SRD5A2: variants seen among roughly 807,000 people sequenced by gnomAD.
SRD5A2 encodes steroid 5 alpha-reductase 2.
In SRD5A2, 30 loss-of-function variants were observed where a neutral mutation model predicts 27.4. The ratio of observed to expected loss-of-function variants is 1.10; its 90% CI spans 0.82 to 1.49. The LOEUF (loss-of-function observed/expected upper bound fraction) is 1.49, where lower values mean the gene tolerates loss of function less well. Among genes scored for constraint, SRD5A2 ranks in the 40% most tolerant of loss-of-function variants. SRD5A2 has a pLI of 0.00. For synonymous variants in SRD5A2, 141 were observed against 133.6 expected (o/e 1.06, Z -0.38); for missense variants, 348 against 323.4 (o/e 1.08, Z -0.58).
chr2:31,584,701 A>T (rs77154468), upstream of SRD5A2, among the ~76,000 whole-genome samples: 345 of 152,308 alleles, frequency 2.3e-3, 11 homozygotes, highest in East Asian at 0.053. Context: ...TCCAAACAGA[A>T]CTAGCCAAAA....
intron 2 of SRD5A2, among the ~76,000 whole-genome samples, chr2:31,532,307 G>T (rs142361849): frequency 6.6e-6 from 1 of 151,702 alleles, no homozygotes; most frequent in African/African-American, 2.4e-5. Context: ...ATGAAATAAC[G>T]TGAGCTAGTT....
At chr2:31,661,684 C>T in the SRD5A2 span, among the ~76,000 whole-genome samples, 826 of 152,248 alleles carry the variant, frequency 5.4e-3, 8 homozygotes, top group African/African-American at 0.019. Context: ...CGGGATTCTC[C>T]AAGACTCTTG....
intron 1 of SRD5A2, among the ~76,000 whole-genome samples, chr2:31,557,682 C>G (rs187962700): frequency 6.6e-6 from 1 of 152,342 alleles, no homozygotes; most frequent in Admixed American, 6.5e-5. Context: ...TGGCCAATTT[C>G]TGGTCAACTC....
intron 1 of SRD5A2, among the ~76,000 whole-genome samples, chr2:31,552,670 CAG>C (rs1319879042): frequency 1.3e-5 from 2 of 152,018 alleles, no homozygotes; most frequent in Non-Finnish European, 2.9e-5. Context: ...AAAGGACTGA[CAG>C]AATGAGTATA....
the SRD5A2 span, among the ~76,000 whole-genome samples, chr2:31,602,720 A>G: frequency 1.3e-5 from 2 of 152,044 alleles, no homozygotes; most frequent in Non-Finnish European, 2.9e-5. Context: ...ACATGGAACA[A>G]CCGAACAGAA....
At chr2:31,559,179 G>T (rs1666563379) in intron 1 of SRD5A2, among the ~76,000 whole-genome samples, 1 of 152,188 alleles carries the variant, frequency 6.6e-6, no homozygotes, top group Admixed American at 6.5e-5. Flanking sequence ...CTCCCAGACT[G>T]TGTGATCTCC....
At chr2:31,536,961 T>A (rs1211932660) in intron 1 of SRD5A2, among the ~76,000 whole-genome samples, 1 of 152,212 alleles carries the variant, frequency 6.6e-6, no homozygotes, top group Non-Finnish European at 1.5e-5. Flanking sequence ...AAAGTTTTTT[T>A]ATCATTGCTA....
At chr2:31,582,859 T>C (rs2148108706), upstream of SRD5A2, among the ~76,000 whole-genome samples, 1 of 152,128 alleles carries the variant, frequency 6.6e-6, no homozygotes, top group East Asian at 1.9e-4. Flanking sequence ...CAGTAAACAA[T>C]AGATTTCATG....
At chr2:31,558,650 C>A (rs1053122175) in intron 1 of SRD5A2, among the ~76,000 whole-genome samples, 2 of 152,308 alleles carry the variant, frequency 1.3e-5, no homozygotes, top group African/African-American at 4.8e-5. Context: ...ATGACCTCAT[C>A]TTAACTACAG....
intron 1 of SRD5A2, among the ~76,000 whole-genome samples, chr2:31,553,181 G>A (rs1220374798): frequency 2.0e-5 from 3 of 151,870 alleles, no homozygotes; most frequent in Admixed American, 6.6e-5. Flanking sequence ...AACCTAAGAA[G>A]GAATCAGTGA....
intron 1 of SRD5A2, among the ~76,000 whole-genome samples, chr2:31,537,609 A>T (rs940353579): frequency 6.6e-6 from 1 of 152,082 alleles, no homozygotes; most frequent in Admixed American, 6.5e-5. Flanking sequence ...TGACCTCTAA[A>T]TATGAGAGTG....
intron 1 of SRD5A2, among the ~76,000 whole-genome samples, chr2:31,538,726 T>C (rs1666073990): frequency 6.6e-6 from 1 of 152,208 alleles, no homozygotes; most frequent in Admixed American, 6.5e-5. Context: ...CCTGACCACC[T>C]TATGTAAAAT....
At chr2:31,593,455 A>C in the SRD5A2 span, among the ~76,000 whole-genome samples, 1 of 152,186 alleles carries the variant, frequency 6.6e-6, no homozygotes, top group East Asian at 1.9e-4. Context: ...GCTCGAAGAC[A>C]AGGCTTTTGA....
At chr2:31,587,550 A>G in the SRD5A2 span, among the ~76,000 whole-genome samples, 3 of 152,230 alleles carry the variant, frequency 2.0e-5, no homozygotes, top group African/African-American at 7.2e-5. Flanking sequence ...CATATACACA[A>G]TGGAATACTA....
chr2:31,629,831 T>C, the SRD5A2 span, among the ~76,000 whole-genome samples: 1 of 152,162 alleles, frequency 6.6e-6, no homozygotes, highest in Admixed American at 6.5e-5. Flanking sequence ...TCTACTTACC[T>C]CTGAGTCTAC....
the SRD5A2 span, among the ~76,000 whole-genome samples, chr2:31,661,541 T>C: frequency 4.6e-5 from 7 of 152,174 alleles, no homozygotes; most frequent in Non-Finnish European, 8.8e-5. Flanking sequence ...AAAGGGAAAT[T>C]AGTCTCTTTG....
intron 1 of SRD5A2, among the ~76,000 whole-genome samples, chr2:31,574,761 A>T (rs1403116955): frequency 6.6e-6 from 1 of 152,276 alleles, no homozygotes; most frequent in Non-Finnish European, 1.5e-5. Context: ...ACCAAATTTT[A>T]TTATAGAATT....
the SRD5A2 span, among the ~76,000 whole-genome samples, chr2:31,595,089 A>G: frequency 2.0e-5 from 3 of 152,202 alleles, no homozygotes; most frequent in Non-Finnish European, 4.4e-5. Context: ...ATAGCATTAA[A>G]TGCTTACATC....
chr2:31,567,454 G>GTATATATATATA (rs575917234), intron 1 of SRD5A2, among the ~76,000 whole-genome samples: 8 of 91,982 alleles, frequency 8.7e-5, no homozygotes, highest in South Asian at 3.2e-4. Context: ...GTGTGTGTGT[G>GTATATATATATA]TGTATATATA....
Sources: allele counts gnomAD v4.1 joint callset (sites outside exome capture counted in the v4.1 genomes callset), GRCh38; gene constraint gnomAD v4.1.1; transcripts MANE v1.5; gene names NCBI Gene and HGNC (gene_info 2026-07-23, HGNC 2026-07-21).